FAM227B: variants seen among roughly 807,000 people sequenced by gnomAD.
FAM227B encodes the protein family with sequence similarity 227 member B, also known as protein FAM227B.
In FAM227B, 88 loss-of-function variants were observed where a neutral mutation model predicts 73.8. The ratio of observed to expected loss-of-function variants is 1.19; its 90% confidence interval spans 1.00 to 1.42. The LOEUF is 1.42. Ranked by LOEUF, FAM227B falls within the 40% of genes most tolerant of loss-of-function variation. The pLI, the probability that FAM227B is intolerant of heterozygous loss-of-function variation, is 0.00. For missense variants in FAM227B, 632 were observed against 590.9 expected, an observed-to-expected ratio of 1.07 and a Z score of -0.72; for synonymous variants, 210 against 190.5, an observed-to-expected ratio of 1.10 and a Z score of -0.84.
At chr15:49,591,710 C>G (rs941530879) in intron 3 of FAM227B, among the ~76,000 whole-genome samples, 1 of 151,994 alleles carries the variant, frequency 6.6e-6, no homozygotes, top group East Asian at 1.9e-4. Context: ...TGGTCTTGAA[C>G]TCCTGACCTT....
intron 3 of FAM227B, among the ~76,000 whole-genome samples, chr15:49,593,846 C>A (rs2076730994): frequency 6.6e-6 from 1 of 152,144 alleles, no homozygotes; most frequent in Non-Finnish European, 1.5e-5. Flanking sequence ...GGCATTTGGG[C>A]TGGTTCCATA....
At chr15:49,365,899 T>C in intron 13 of FAM227B, 1 of 959,098 alleles carries the variant, frequency 1.0e-6, no homozygotes. Context: ...AGCAAGAGAG[T>C]TGTACAGACT....
At chr15:49,506,402 C>A (rs1305870786) in intron 11 of FAM227B, among the ~76,000 whole-genome samples, 1 of 151,900 alleles carries the variant, frequency 6.6e-6, no homozygotes, top group African/African-American at 2.4e-5. Flanking sequence ...AGATTTAATC[C>A]ACAGGCTACA....
Position 49,589,856 on chromosome 15 carries a change from G to C in FAM227B, c.257C>G (p.Ser86Ter), listed in dbSNP as rs767916395. 1 of 1,609,182 alleles carries C rather than the reference G, an allele frequency of 6.2e-7. No individual in the cohort carries two copies. Among genetic ancestry groups the C allele is most frequent in the African/African-American group, 1.3e-5 (1 of 74,782 alleles). ...AATAAGTGAATATTCCTTTAATTTT[G>C]ATTCCATGATCAAAAGTGCTTCAAA... ...RIFEALLIME[S>*]KLKEYSLILQ... Residue 86 changes from serine to a stop codon, truncating the protein, a stop_gained, in exon 4 of 16, where the codon TCA becomes TGA. Coordinates refer to ENST00000299338, the MANE Select transcript of FAM227B (RefSeq NM_152647.3). LOFTEE classifies it high-confidence loss of function.
intron 9 of FAM227B, among the ~76,000 whole-genome samples, chr15:49,549,727 A>C (rs2072522006): frequency 1.3e-5 from 2 of 152,118 alleles, no homozygotes; most frequent in African/African-American, 4.8e-5. Flanking sequence ...CTCTTTCTAC[A>C]CAGACACAGC....
At chr15:49,452,797 C>T (rs1170930617) in intron 11 of FAM227B, among the ~76,000 whole-genome samples, 1 of 152,090 alleles carries the variant, frequency 6.6e-6, no homozygotes, top group Non-Finnish European at 1.5e-5. Flanking sequence ...ATATGTGAAT[C>T]ACAGCACAGG....
At chr15:49,466,064 T>C (rs1243414713) in intron 11 of FAM227B, among the ~76,000 whole-genome samples, 2 of 152,198 alleles carry the variant, frequency 1.3e-5, no homozygotes, top group Non-Finnish European at 2.9e-5. Context: ...TAATTAATAG[T>C]ACAGCAGTAT....
intron 11 of FAM227B, among the ~76,000 whole-genome samples, chr15:49,397,300 A>G (rs1337885300): frequency 6.6e-6 from 1 of 152,152 alleles, no homozygotes; most frequent in Non-Finnish European, 1.5e-5. Context: ...TTAGAGAAAA[A>G]AGAATAAAAG....
chr15:49,449,719 T>C (rs1177068418), intron 11 of FAM227B, among the ~76,000 whole-genome samples: 3 of 152,110 alleles, frequency 2.0e-5, no homozygotes, highest in Non-Finnish European at 4.4e-5. Flanking sequence ...TTCGCTTCTA[T>C]ACTTGTGCAA....
At chr15:49,494,635 A>G (rs1459696968) in intron 11 of FAM227B, among the ~76,000 whole-genome samples, 1 of 152,036 alleles carries the variant, frequency 6.6e-6, no homozygotes, top group Non-Finnish European at 1.5e-5. Context: ...TATGGTAGGT[A>G]TATGTATGCC....
intron 2 of FAM227B, among the ~76,000 whole-genome samples, chr15:49,613,439 T>G (rs750832676): frequency 1.3e-5 from 2 of 152,094 alleles, no homozygotes; most frequent in Non-Finnish European, 2.9e-5. Context: ...AGGCGGAGGT[T>G]GCGGTGAGCC....
At chr15:49,538,913 A>G (rs2152262844) in intron 10 of FAM227B, among the ~76,000 whole-genome samples, 1 of 134,722 alleles carries the variant, frequency 7.4e-6, no homozygotes, top group Non-Finnish European at 1.6e-5. Context: ...ATTATTTTGA[A>G]TTCTTTATCA....
chr15:49,354,408 G>A (rs897976435), intron 13 of FAM227B, among the ~76,000 whole-genome samples: 4 of 152,236 alleles, frequency 2.6e-5, no homozygotes, highest in Non-Finnish European at 5.9e-5. Flanking sequence ...GTGAGCCGAA[G>A]CAGGGCGAGG....
chr15:49,595,308 T>C (rs2076824900), intron 3 of FAM227B, among the ~76,000 whole-genome samples: 1 of 152,120 alleles, frequency 6.6e-6, no homozygotes, highest in Admixed American at 6.6e-5. Context: ...ATCCTGAGAC[T>C]TTACTGAAAT....
At chr15:49,393,681 T>C (rs1263747672) in intron 11 of FAM227B, among the ~76,000 whole-genome samples, 1 of 152,094 alleles carries the variant, frequency 6.6e-6, no homozygotes, top group East Asian at 1.9e-4. Context: ...ACAAGGCTGG[T>C]CATTCCAAAT....
intron 13 of FAM227B, among the ~76,000 whole-genome samples, chr15:49,361,477 T>C (rs1038824394): frequency 6.6e-6 from 1 of 152,162 alleles, no homozygotes; most frequent in African/African-American, 2.4e-5. Flanking sequence ...TAGCTCCTAC[T>C]TATTAGTGAG....
chr15:49,396,216 A>G (rs912472663), intron 11 of FAM227B: 2 of 349,344 alleles, frequency 5.7e-6, no homozygotes, highest in African/African-American at 4.4e-5. Flanking sequence ...TCCCTTTCCG[A>G]GTCAAAGAAA....
chr15:49,613,764 C>A (rs1486821798), intron 2 of FAM227B, among the ~76,000 whole-genome samples: 1 of 151,548 alleles, frequency 6.6e-6, no homozygotes, highest in Non-Finnish European at 1.5e-5. Flanking sequence ...TTATGATGTA[C>A]CCTTAAAAAT....
chr15:49,436,088 C>T (rs1207079383), intron 11 of FAM227B, among the ~76,000 whole-genome samples: 1 of 151,412 alleles, frequency 6.6e-6, no homozygotes, highest in Non-Finnish European at 1.5e-5. Context: ...AGGAAACTGG[C>T]CAGCTTAATA....
Sources: allele counts gnomAD v4.1 joint callset (sites outside exome capture counted in the v4.1 genomes callset), GRCh38; gene constraint gnomAD v4.1.1; transcripts MANE v1.5; gene names NCBI Gene and HGNC (gene_info 2026-07-23, HGNC 2026-07-21).